The following SLC22A4 variants were observed in gnomAD, a reference collection of about 807,000 sequenced individuals.
SLC22A4 encodes the protein solute carrier family 22 member 4.
Under a neutral mutation model 56.6 loss-of-function variants are expected in SLC22A4, and 39 were observed. The ratio of observed to expected loss-of-function variants is 0.69; its 90% confidence interval spans 0.53 to 0.90. The LOEUF (loss-of-function observed/expected upper bound fraction) is 0.90. SLC22A4 is among the 40% of genes least tolerant of loss of function. The pLI, the probability that SLC22A4 is intolerant of heterozygous loss-of-function variation, is 0.00. For missense variants in SLC22A4, 594 were observed against 696.5 expected, an observed-to-expected ratio of 0.85 and a Z score of 1.66; for synonymous variants, 241 against 281.4, an observed-to-expected ratio of 0.86 and a Z score of 1.44.
intron 4 of SLC22A4, among the ~76,000 whole-genome samples, chr5:132,326,526 G>A (rs1750694593): frequency 6.6e-6 from 1 of 152,218 alleles, no homozygotes; most frequent in African/African-American, 2.4e-5. Flanking sequence ...TAAGGAAAAT[G>A]AGAGCTGACA....
intron 6 of SLC22A4, chr5:132,332,318 A>T (rs189565374): frequency 2.1e-4 from 41 of 191,406 alleles, no homozygotes; most frequent in African/African-American, 9.4e-4. Flanking sequence ...CATCTAAAAA[A>T]AAAAAAGTCA....
rs1561547712 is a variant in SLC22A4 at position 132,335,922 on chromosome 5, G to C, written c.1366G>C (p.Val456Leu). The stretch of plus-strand genomic sequence containing the variant: ...CACTGCTGAGCTCTACCCAACCCTG[G>C]TCAGGAACATGGCGGTGGGGGTCAC... ...VFTAELYPTL[V>L]RNMAVGVTST... The change falls in exon 8 of 10, where the codon GTC becomes CTC. Residue 456 changes from valine to leucine, a missense_variant. By Grantham distance (32) the Val-to-Leu change is conservative (BLOSUM62 1). Transcript: ENST00000200652. 1.2e-6 allele frequency: 2 copies of C among 1,614,122 alleles called. No homozygotes were observed. Among genetic ancestry groups the C allele is most frequent in the Non-Finnish European group, 1.7e-6 (2 of 1,180,014 alleles).
intron 5 of SLC22A4, among the ~76,000 whole-genome samples, chr5:132,331,186 A>C (rs1055416331): frequency 2.0e-5 from 3 of 152,168 alleles, no homozygotes; most frequent in Non-Finnish European, 4.4e-5. Context: ...TGCAAAAATT[A>C]GCCAGATGCG....
chr5:132,320,679 G>A (rs1040494737), intron 3 of SLC22A4, among the ~76,000 whole-genome samples: 2 of 152,216 alleles, frequency 1.3e-5, no homozygotes, highest in Non-Finnish European at 2.9e-5. Flanking sequence ...AGGGGAATGA[G>A]TGGGGTGGGA....
intron 5 of SLC22A4, 146 bp downstream of exon 5, chr5:132,327,549 G>A: frequency 1.5e-6 from 1 of 664,820 alleles, no homozygotes; most frequent in Non-Finnish European, 2.6e-6. Context: ...TAAATTCTAA[G>A]ATAAAATCCA....
chr5:132,327,946 C>T (rs1054921677), intron 5 of SLC22A4, among the ~76,000 whole-genome samples: 4 of 152,194 alleles, frequency 2.6e-5, no homozygotes, highest in Admixed American at 2.6e-4. Context: ...GAAGCAGCCA[C>T]ACCTCCTGAC....
At chr5:132,299,646 G>A (rs1450651482) in intron 1 of SLC22A4, among the ~76,000 whole-genome samples, 1 of 152,008 alleles carries the variant, frequency 6.6e-6, no homozygotes, top group East Asian at 1.9e-4. Flanking sequence ...TAGAGACAGG[G>A]TTTCACCATG....
chr5:132,308,372 ATTTTTTTTTTTTTTTTTTTTT>A (rs56259514), intron 1 of SLC22A4, among the ~76,000 whole-genome samples: 5 of 61,328 alleles, frequency 8.2e-5, no homozygotes, highest in Non-Finnish European at 1.4e-4. Flanking sequence ...TGATTAAGCA[ATTTTTTTTTTTTTTTTTTTTT>A]TTTTTTTTTT....
chr5:132,310,358 C>A (rs528746377), intron 1 of SLC22A4, among the ~76,000 whole-genome samples: 8 of 152,354 alleles, frequency 5.3e-5, no homozygotes, highest in Non-Finnish European at 1.2e-4. Flanking sequence ...AAGCTTTTAT[C>A]TGAAGCTTTG....
rs145194515 is a variant in SLC22A4, at chr5:132,314,716, A to C, written c.652+948A>C. ...ACTCTGATTGCTTTTTAAGAGTCTG[A>C]AGGACTCGTTGGCTTTGGAGATGCT... On this transcript the variant is annotated intron_variant, in intron 3 of 9. Transcript: ENST00000200652. Among the ~76,000 whole-genome samples the C allele has an allele frequency of 8.4e-3, 1,284 of 152,346 alleles. 10 individuals are homozygous for C. Among genetic ancestry groups the C allele is most frequent in the Non-Finnish European group, 0.013 (861 of 68,036 alleles).
intron 8 of SLC22A4, among the ~76,000 whole-genome samples, chr5:132,338,321 T>C (rs1445504056): frequency 6.6e-6 from 1 of 151,902 alleles, no homozygotes; most frequent in Non-Finnish European, 1.5e-5. Context: ...ATCACGTGCT[T>C]CACAAGGTAA....
intron 4 of SLC22A4, among the ~76,000 whole-genome samples, chr5:132,325,336 T>C (rs557914831): frequency 5.9e-5 from 9 of 152,346 alleles, no homozygotes; most frequent in African/African-American, 2.2e-4. Flanking sequence ...TTTCATTTCT[T>C]CAATCACACT....
chr5:132,336,075 A>C, intron 8 of SLC22A4, 75 bp downstream of exon 8: 1 of 1,470,908 alleles, frequency 6.8e-7, no homozygotes, highest in Non-Finnish European at 9.5e-7. Flanking sequence ...CATTGTGAAA[A>C]TGTCAAATAG....
intron 6 of SLC22A4, 26 bp from the exon 7 acceptor site, chr5:132,334,692 T>C: frequency 6.6e-7 from 1 of 1,519,612 alleles, no homozygotes; most frequent in Non-Finnish European, 9.1e-7. Context: ...CACCATCCCT[T>C]TGTCATTTTT....
Position 132,340,715 on chromosome 5 carries a change from T to C in SLC22A4, c.1580+15T>C. ...AAAGTGAAATGGTAAGTAGGACTTT[T>C]AACAAAATGATACCAAAATGCCTTA... On this transcript the variant is annotated intron_variant, in intron 9 of 9. Coordinates refer to ENST00000200652, the MANE Select transcript of SLC22A4 (RefSeq NM_003059.3). The C allele has an allele frequency of 6.2e-7, 1 of 1,612,444 alleles. No homozygotes were observed. The highest frequency in any genetic ancestry group is 1.1e-5 in the South Asian group (1 of 91,040).
At chr5:132,339,646 C>T (rs1751144354) in intron 8 of SLC22A4, among the ~76,000 whole-genome samples, 1 of 152,170 alleles carries the variant, frequency 6.6e-6, no homozygotes. Context: ...TGTTATTTTT[C>T]CCTTTGTCCT....
At chr5:132,325,417 C>T (rs182569023) in intron 4 of SLC22A4, among the ~76,000 whole-genome samples, 4 of 152,264 alleles carry the variant, frequency 2.6e-5, no homozygotes, top group African/African-American at 4.8e-5. Flanking sequence ...AAGTTTCTAT[C>T]GGACAGCACA....
At position 132,312,247 on chromosome 5, in the gene SLC22A4, C is replaced by G. The variant is rs113034123; in HGVS notation, c.480C>G (p.Ser160=). Residue 160 remains serine (S), a synonymous_variant, in exon 2 of 10, where the codon TCC becomes TCG. Transcript: ENST00000200652. The part of the protein sequence containing the change: ...FVGVLLGSFV[S]GQLSDRFGRK... ...GCGTGCTCCTCGGCTCCTTCGTGTC[C>G]GGGCAGCTGTCAGACAGGTAAGCAC... is the stretch of plus-strand genomic sequence containing the variant. 36 of 1,612,246 alleles carry G rather than the reference C, an allele frequency of 2.2e-5. 1 individual carries two copies. The African/African-American group carries it at 3.3e-4, about 15-fold the overall frequency.
rs1751184481 is a variant in SLC22A4 at position 132,340,584 on chromosome 5, G to A, written c.1464G>A (p.Leu488=). 1.2e-6 allele frequency: 2 copies of A among 1,613,950 alleles called. No individual in the cohort carries two copies. Among genetic ancestry groups the A allele is most frequent in the African/African-American group, 1.3e-5 (1 of 75,018 alleles). The change falls in exon 9 of 10, where the codon CTG becomes CTA. Residue 488 remains leucine (L), a synonymous_variant. Coordinates refer to ENST00000200652, the MANE Select transcript of SLC22A4 (RefSeq NM_003059.3). ...TTACAGGTGCTTACAACAGAATGCTGCCCTACATCGTCATGGGTAGTCTGA... is the reference window on the plus strand; with the variant it reads ...TTACAGGTGCTTACAACAGAATGCTACCCTACATCGTCATGGGTAGTCTGA... The part of the protein sequence containing the change: ...FVYLGAYNRM[L]PYIVMGSLTV...
Sources: gnomAD v4.1 joint callset for allele counts (sites outside exome capture counted in the v4.1 genomes callset) on GRCh38, gnomAD v4.1.1 for gene constraint, MANE v1.5 for transcripts, NCBI Gene and HGNC (gene_info 2026-07-23, HGNC 2026-07-21) for gene names.